EEFSEC: variants seen among roughly 807,000 people sequenced by gnomAD.
EEFSEC encodes the protein eukaryotic elongation factor, selenocysteine-tRNA specific.
EEFSEC carries 43 observed loss-of-function variants against 42.1 expected under a neutral mutation model. The observed-to-expected ratio is 1.02, with a 90% confidence interval of 0.80 to 1.32. EEFSEC has a LOEUF of 1.32. Among genes scored for constraint, EEFSEC ranks in the 40% most tolerant of loss-of-function variants. The pLI, the probability that EEFSEC is intolerant of heterozygous loss-of-function variation, is 0.00. For synonymous variants in EEFSEC, 354 were observed against 339.1 expected (o/e 1.04, Z -0.48); for missense variants, 745 against 803.6 (o/e 0.93, Z 0.88).
chr3:128,418,292 T>C, the EEFSEC span, among the ~76,000 whole-genome samples: 2 of 152,094 alleles, frequency 1.3e-5, no homozygotes, highest in Non-Finnish European at 2.9e-5. Context: ...CCAGATGCAG[T>C]GTCTCTGCCA....
intron 5 of EEFSEC, among the ~76,000 whole-genome samples, chr3:128,357,367 C>T (rs2067466726): frequency 6.6e-6 from 1 of 152,260 alleles, no homozygotes; most frequent in Non-Finnish European, 1.5e-5. Context: ...GTGTGTCCCT[C>T]CTCTCAGCCT....
intron 1 of EEFSEC, among the ~76,000 whole-genome samples, chr3:128,187,457 T>G (rs895379432): frequency 6.6e-6 from 1 of 152,210 alleles, no homozygotes; most frequent in Non-Finnish European, 1.5e-5. Flanking sequence ...TCCTTTTTGT[T>G]TACAATTCTT....
chr3:128,207,248 C>G (rs1171122752), intron 1 of EEFSEC, among the ~76,000 whole-genome samples: 1 of 126,612 alleles, frequency 7.9e-6, no homozygotes, highest in Non-Finnish European at 1.6e-5. Flanking sequence ...TCTTTCCCTC[C>G]CCCCTCCCTC....
chr3:128,399,918 T>G (rs1404262154), intron 6 of EEFSEC, among the ~76,000 whole-genome samples: 1 of 152,166 alleles, frequency 6.6e-6, no homozygotes, highest in Non-Finnish European at 1.5e-5. Flanking sequence ...CAGACTCAGC[T>G]GCACCACAAC....
intron 4 of EEFSEC, among the ~76,000 whole-genome samples, chr3:128,300,969 C>T (rs1220293661): frequency 6.6e-6 from 1 of 151,602 alleles, no homozygotes; most frequent in Non-Finnish European, 1.5e-5. Flanking sequence ...ATCTTATTGT[C>T]TATTTAAGCT....
intron 4 of EEFSEC, among the ~76,000 whole-genome samples, chr3:128,320,854 A>ACGGAG (rs2067000199): frequency 1.3e-5 from 2 of 152,236 alleles, no homozygotes; most frequent in Non-Finnish European, 2.9e-5. Context: ...TCCTGGGCTC[A>ACGGAG]TGCCCCACTC....
intron 4 of EEFSEC, among the ~76,000 whole-genome samples, chr3:128,327,136 C>T (rs2067072563): frequency 6.6e-6 from 1 of 152,202 alleles, no homozygotes; most frequent in Non-Finnish European, 1.5e-5. Flanking sequence ...ATCGCCATGT[C>T]CCCACTGATG....
chr3:128,341,100 A>G, intron 4 of EEFSEC, 133 bp from the exon 5 acceptor site: 2 of 1,092,586 alleles, frequency 1.8e-6, no homozygotes, highest in Non-Finnish European at 2.6e-6. Flanking sequence ...TGGGCCCCAG[A>G]CCCCCCTTGG....
At chr3:128,402,593 C>T (rs552525181) in intron 6 of EEFSEC, among the ~76,000 whole-genome samples, 61 of 152,340 alleles carry the variant, frequency 4.0e-4, no homozygotes, top group African/African-American at 1.4e-3. Flanking sequence ...TTCCTCAACA[C>T]GGTGTTACGA....
chr3:128,308,646 C>T (rs1049032600), intron 4 of EEFSEC, among the ~76,000 whole-genome samples: 1 of 152,200 alleles, frequency 6.6e-6, no homozygotes, highest in Non-Finnish European at 1.5e-5. Flanking sequence ...TGAAGAATCC[C>T]CACAAATACA....
Position 128,243,083 on chromosome 3 carries a change from G to T in EEFSEC, c.317-3753G>T, listed in dbSNP as rs1439247065. On this transcript the variant is annotated intron_variant, in intron 1 of 6. Coordinates refer to ENST00000254730, the MANE Select transcript of EEFSEC (RefSeq NM_021937.5). ...ACTGAGAGCTGCTGCCAGGCAGCAG[G>T]CAGTTGCCTGGTGATGACCCCGGGT... 2.0e-5 allele frequency among the ~76,000 whole-genome samples: 3 copies of T among 152,210 alleles called. No individual in the cohort carries two copies. In the East Asian group the frequency reaches 5.8e-4, roughly 29 times the overall value.
rs111828902 is a variant in EEFSEC, at chr3:128,180,092, A to C, written c.316+26269A>C. Among the ~76,000 whole-genome samples the C allele has an allele frequency of 9.8e-4, 136 of 138,522 alleles. 1 individual carries two copies. The highest frequency in any genetic ancestry group is 3.6e-3 in the African/African-American group (132 of 36,950). The allele number at this position is 138,522 out of a possible 152,430, so 90.9% of individuals were successfully genotyped here. On this transcript the variant is annotated intron_variant, in intron 1 of 6. Coordinates refer to ENST00000254730, the MANE Select transcript of EEFSEC (RefSeq NM_021937.5). ...AGAGGAGACCCCAATTTCCTTCCTC[A>C]TGTTTTTGGTTTTTTTTTGCCATTT...
intron 6 of EEFSEC, among the ~76,000 whole-genome samples, chr3:128,405,627 A>G (rs2068100469): frequency 4.6e-5 from 7 of 152,270 alleles, no homozygotes; most frequent in Admixed American, 3.9e-4. Context: ...GTCTGAGACG[A>G]CAGGCCAGGG....
At chr3:128,195,298 G>C (rs1173245634) in intron 1 of EEFSEC, among the ~76,000 whole-genome samples, 1 of 152,160 alleles carries the variant, frequency 6.6e-6, no homozygotes, top group Non-Finnish European at 1.5e-5. Context: ...TCAAAACACA[G>C]CTGACTTGCC....
chr3:128,193,564 TA>T (rs2065549687), intron 1 of EEFSEC, among the ~76,000 whole-genome samples: 1 of 152,258 alleles, frequency 6.6e-6, no homozygotes, highest in Non-Finnish European at 1.5e-5. Flanking sequence ...ATAATGATTC[TA>T]AAATATTATT....
chr3:128,316,736 G>C (rs2066949780), intron 4 of EEFSEC, among the ~76,000 whole-genome samples: 1 of 152,200 alleles, frequency 6.6e-6, no homozygotes, highest in African/African-American at 2.4e-5. Flanking sequence ...TTACCGCCCA[G>C]CTCGGTGCCG....
intron 6 of EEFSEC, among the ~76,000 whole-genome samples, chr3:128,385,239 C>G (rs938612622): frequency 6.6e-6 from 1 of 152,198 alleles, no homozygotes; most frequent in Non-Finnish European, 1.5e-5. Context: ...AAGACCCAAC[C>G]CTGTAGGTTT....
chr3:128,275,416 G>C (rs2066457902), intron 4 of EEFSEC, among the ~76,000 whole-genome samples: 1 of 152,220 alleles, frequency 6.6e-6, no homozygotes, highest in African/African-American at 2.4e-5. Flanking sequence ...TGTGACCTCA[G>C]CTTGCACACC....
chr3:128,284,912 T>G (rs1231633766), intron 4 of EEFSEC, among the ~76,000 whole-genome samples: 4 of 144,422 alleles, frequency 2.8e-5, no homozygotes, highest in Admixed American at 1.4e-4. Flanking sequence ...GCTTTAACGT[T>G]TTTTTTTTTT....
Sources: gnomAD v4.1 joint callset for allele counts (sites outside exome capture counted in the v4.1 genomes callset) on GRCh38, gnomAD v4.1.1 for gene constraint, MANE v1.5 for transcripts, NCBI Gene and HGNC (gene_info 2026-07-23, HGNC 2026-07-21) for gene names.